Variants in TRIM37 observed in about 807,000 individuals in gnomAD.
The protein encoded by TRIM37 is E3 ubiquitin-protein ligase TRIM37.
TRIM37 carries 80 observed loss-of-function variants against 129.8 expected under a neutral mutation model. That is an observed-to-expected ratio of 0.62 (90% confidence interval 0.51 to 0.74). The LOEUF is 0.74. TRIM37 is among the 30% of genes least tolerant of loss of function. The pLI is 0.00. For missense variants in TRIM37, 1,054 were observed against 1,176.5 expected (o/e 0.90, Z 1.52); for synonymous variants, 389 against 387.1 (o/e 1.00, Z -0.06).
chr17:58,983,572 C>T (rs1185980096), intron 24 of TRIM37: 3 of 152,592 alleles, frequency 2.0e-5, no homozygotes, highest in Non-Finnish European at 2.9e-5. Context: ...ATTTCTGTAA[C>T]TTGTATTTAA....
chr17:59,100,123 G>A (rs1000603704), intron 2 of TRIM37, among the ~76,000 whole-genome samples: 1 of 152,008 alleles, frequency 6.6e-6, no homozygotes, highest in Non-Finnish European at 1.5e-5. Flanking sequence ...AGTCCCCAGT[G>A]TCTAGCATTT....
the TRIM37 span, among the ~76,000 whole-genome samples, chr17:58,975,653 CAGG>C: frequency 6.6e-6 from 1 of 152,052 alleles, no homozygotes; most frequent in African/African-American, 2.4e-5. Flanking sequence ...GCAACAAGTC[CAGG>C]AGGTTAGAGC....
chr17:59,061,244 A>G, intron 11 of TRIM37, 136 bp from the exon 12 acceptor site: 1 of 716,828 alleles, frequency 1.4e-6, no homozygotes, highest in Non-Finnish European at 2.4e-6. Context: ...AAACACCAAT[A>G]GATTTGAGTT....
downstream of TRIM37, among the ~76,000 whole-genome samples, chr17:58,994,905 A>G (rs2032831921): frequency 6.6e-6 from 1 of 151,916 alleles, no homozygotes; most frequent in African/African-American, 2.4e-5. Context: ...ATGCGCCATC[A>G]CAGCCAGCTA....
Position 59,098,656 on chromosome 17 carries a change from C to T in TRIM37, c.123+5637G>A, listed in dbSNP as rs571811439. On this transcript the variant is annotated intron_variant, in intron 2 of 23. Coordinates refer to ENST00000262294, the MANE Select transcript of TRIM37 (RefSeq NM_015294.6). ...CTCCAACGTGGGCAACAGAGTGAGACACTGTCTCATTTAAAAAAAAAAAAA... is the reference window on the plus strand; with the variant it reads ...CTCCAACGTGGGCAACAGAGTGAGATACTGTCTCATTTAAAAAAAAAAAAA... Among the ~76,000 whole-genome samples, 115 of 123,102 alleles carry T rather than the reference C, an allele frequency of 9.3e-4. 1 individual carries two copies. The Middle Eastern group carries it at 0.021, about 22-fold the overall frequency. 80.8% of individuals were successfully genotyped at this position (123,102 alleles called of 152,430 possible). A position where few individuals can be genotyped will look rare whatever the true frequency, so the allele number is the denominator to read the frequency against.
At position 59,034,037 on chromosome 17, in the gene TRIM37, G is replaced by A. The variant is rs561943556; in HGVS notation, c.1754-1947C>T. Among the ~76,000 whole-genome samples the A allele has an allele frequency of 8.4e-4, 127 of 151,640 alleles. 1 individual carries two copies. In the Middle Eastern group the frequency reaches 0.01, roughly 12 times the overall value. On this transcript the variant is annotated intron_variant, in intron 17 of 23. Transcript: ENST00000262294. ...CAGGAGAATTGCTTGAACCTGGGAG[G>A]CAGAGGTTACAGTGAGCCAAGATCA...
At chr17:59,091,718 A>G (rs2044404919) in intron 2 of TRIM37, among the ~76,000 whole-genome samples, 1 of 148,892 alleles carries the variant, frequency 6.7e-6, no homozygotes, top group Admixed American at 6.9e-5. Context: ...AGAGATACTT[A>G]TAAAAGTAAC....
At chr17:59,101,783 T>C (rs1305080846) in intron 2 of TRIM37, among the ~76,000 whole-genome samples, 7 of 144,914 alleles carry the variant, frequency 4.8e-5, no homozygotes, top group East Asian at 2.0e-4. Context: ...CATATATATA[T>C]ACAAAAATAG....
chr17:58,978,746 T>C (rs150645089), downstream of TRIM37, among the ~76,000 whole-genome samples: 24 of 152,280 alleles, frequency 1.6e-4, no homozygotes, highest in African/African-American at 5.5e-4. Flanking sequence ...GTTGTAGTCA[T>C]AAGCTATTTG....
intron 19 of TRIM37, among the ~76,000 whole-genome samples, chr17:59,023,587 G>A (rs1031830638): frequency 3.9e-5 from 6 of 151,958 alleles, no homozygotes; most frequent in Non-Finnish European, 5.9e-5. Flanking sequence ...CCCAGGAGGC[G>A]GAGCTTGCAG....
intron 19 of TRIM37, 112 bp downstream of exon 19, chr17:59,028,303 T>C (rs2037453713): frequency 2.1e-6 from 2 of 972,474 alleles, no homozygotes. Context: ...ATGTAATTTG[T>C]AGTCTTAACT....
intron 9 of TRIM37, among the ~76,000 whole-genome samples, chr17:59,066,217 A>G (rs1300466554): frequency 1.3e-5 from 2 of 152,222 alleles, no homozygotes; most frequent in Non-Finnish European, 2.9e-5. Flanking sequence ...AAACCTAGTA[A>G]GAGCTCTAAG....
At chr17:59,026,987 T>C (rs1246435559) in intron 19 of TRIM37, among the ~76,000 whole-genome samples, 3 of 152,208 alleles carry the variant, frequency 2.0e-5, no homozygotes, top group South Asian at 2.1e-4. Flanking sequence ...GATCTTTAAA[T>C]GTTTAAGTGC....
chr17:59,035,660 T>C (rs761299906), intron 17 of TRIM37, among the ~76,000 whole-genome samples: 2 of 151,746 alleles, frequency 1.3e-5, no homozygotes, highest in Non-Finnish European at 2.9e-5. Context: ...TGAGGCAGAA[T>C]TGCTTGAACC....
At chr17:58,985,741 T>C (rs189108630) in intron 24 of TRIM37, among the ~76,000 whole-genome samples, 1 of 152,184 alleles carries the variant, frequency 6.6e-6, no homozygotes, top group Non-Finnish European at 1.5e-5. Context: ...CACTGCACTG[T>C]TCTCCTGCCT....
At chr17:59,060,002 A>C (rs974655166) in intron 12 of TRIM37, among the ~76,000 whole-genome samples, 3 of 152,168 alleles carry the variant, frequency 2.0e-5, no homozygotes, top group African/African-American at 7.2e-5. Context: ...GTTTCCTCAG[A>C]CATATGCCCT....
chr17:58,999,499 G>A (rs980866534), intron 23 of TRIM37, 40 bp from the exon 24 acceptor site: 3 of 1,521,022 alleles, frequency 2.0e-6, no homozygotes, highest in Middle Eastern at 2.0e-4. Flanking sequence ...AAATTTAAAA[G>A]CATATAACAA....
chr17:59,036,417 G>A (rs534019493), intron 17 of TRIM37, among the ~76,000 whole-genome samples: 75 of 151,790 alleles, frequency 4.9e-4, no homozygotes, highest in Non-Finnish European at 8.2e-4. Flanking sequence ...AATCCAGTGA[G>A]TAGGAAAAAT....
chr17:59,106,478 C>A lies in TRIM37; in HGVS notation c.-17G>T. 4 of 1,613,684 alleles carry A rather than the reference C, an allele frequency of 2.5e-6. No homozygotes were observed. Among genetic ancestry groups the A allele is most frequent in the Non-Finnish European group, 3.4e-6 (4 of 1,179,812 alleles). On this transcript the variant is annotated 5_prime_UTR_variant, in exon 1 of 24. Transcript: ENST00000262294. ...TTCATCCATTGCCTCCGGCTCTCGGCGGGGCCGCTGGCGACCCGCAGGCTC... is the reference window on the plus strand; with the variant it reads ...TTCATCCATTGCCTCCGGCTCTCGGAGGGGCCGCTGGCGACCCGCAGGCTC...
Sources: allele counts gnomAD v4.1 joint callset (sites outside exome capture counted in the v4.1 genomes callset), GRCh38; gene constraint gnomAD v4.1.1; transcripts MANE v1.5; gene names NCBI Gene and HGNC (gene_info 2026-07-23, HGNC 2026-07-21).